The following ADCY2 variants were observed in gnomAD, a reference collection of about 807,000 sequenced individuals.
ADCY2 encodes the protein adenylate cyclase 2.
A neutral mutation model predicts 125.2 loss-of-function variants in ADCY2; 31 were observed. The observed-to-expected ratio is 0.25, with a 90% CI of 0.19 to 0.33. The LOEUF (loss-of-function observed/expected upper bound fraction) is 0.33, where lower values mean the gene tolerates loss of function less well. Among genes scored for constraint, ADCY2 ranks in the 10% least tolerant of loss-of-function variants. ADCY2 has a pLI of 1.00. For synonymous variants in ADCY2, 512 were observed against 548.4 expected (o/e 0.93, Z 0.93); for missense variants, 904 against 1,418.2 (o/e 0.64, Z 5.82).
At chr5:7,529,600 C>T (rs1375264619) in intron 3 of ADCY2, among the ~76,000 whole-genome samples, 2 of 152,192 alleles carry the variant, frequency 1.3e-5, no homozygotes, top group African/African-American at 4.8e-5. Flanking sequence ...TGGCCTCAGG[C>T]AGAATCTGGG....
intron 15 of ADCY2, among the ~76,000 whole-genome samples, chr5:7,744,631 C>T (rs923886454): frequency 6.6e-6 from 1 of 152,194 alleles, no homozygotes; most frequent in Non-Finnish European, 1.5e-5. Context: ...GATAGAAGGC[C>T]CTGAAGATAA....
intron 19 of ADCY2, 26 bp downstream of exon 19, chr5:7,784,475 A>G (rs775650282): frequency 8.6e-5 from 133 of 1,539,966 alleles, no homozygotes; most frequent in Non-Finnish European, 2.2e-5. Flanking sequence ...ATATATATGT[A>G]TGTATACCTT....
intron 3 of ADCY2, among the ~76,000 whole-genome samples, chr5:7,555,446 C>T (rs1277761843): frequency 6.6e-6 from 1 of 152,146 alleles, no homozygotes. Context: ...TTAGCTTTTA[C>T]ACTGGTGAAA....
intron 4 of ADCY2, among the ~76,000 whole-genome samples, chr5:7,646,151 G>C (rs752556195): frequency 9.9e-5 from 15 of 151,940 alleles, no homozygotes; most frequent in African/African-American, 3.1e-4. Context: ...GCAAAGAAAC[G>C]AGTAAAACTT....
chr5:7,679,349 C>G (rs7706852), intron 4 of ADCY2, among the ~76,000 whole-genome samples: 1 of 152,132 alleles, frequency 6.6e-6, no homozygotes, highest in Non-Finnish European at 1.5e-5. Flanking sequence ...GGTGGGATGC[C>G]TGGGGTATAT....
At chr5:7,474,550 G>A (rs1282631812) in intron 2 of ADCY2, among the ~76,000 whole-genome samples, 1 of 152,162 alleles carries the variant, frequency 6.6e-6, no homozygotes, top group Admixed American at 6.5e-5. Flanking sequence ...TTTTGGAAGG[G>A]ATTTTGGAGA....
chr5:7,541,162 C>G (rs764827744), intron 3 of ADCY2, among the ~76,000 whole-genome samples: 1 of 152,068 alleles, frequency 6.6e-6, no homozygotes, highest in Non-Finnish European at 1.5e-5. Context: ...GAGTCACAAT[C>G]CAGTTTCATG....
At chr5:7,812,678 C>T (rs1181333569) in intron 22 of ADCY2, among the ~76,000 whole-genome samples, 2 of 152,120 alleles carry the variant, frequency 1.3e-5, no homozygotes, top group Non-Finnish European at 2.9e-5. Context: ...GAGGCCAAGG[C>T]GGGCGGATCA....
intron 2 of ADCY2, among the ~76,000 whole-genome samples, chr5:7,447,462 A>G (rs1056633015): frequency 2.0e-5 from 3 of 152,016 alleles, no homozygotes; most frequent in African/African-American, 7.2e-5. Flanking sequence ...GAGATCCTGG[A>G]CCTCAGGGCC....
chr5:7,715,108 C>T (rs1228838599), intron 11 of ADCY2, among the ~76,000 whole-genome samples: 2 of 152,138 alleles, frequency 1.3e-5, no homozygotes, highest in Non-Finnish European at 2.9e-5. Flanking sequence ...TCATCAGCCC[C>T]AGGGGACCTT....
rs1740673763 is a variant in ADCY2 at position 7,690,628 on chromosome 5, G to A, written c.721-63G>A. On this transcript the variant is annotated intron_variant, in intron 4 of 24. Coordinates refer to ENST00000338316, the MANE Select transcript of ADCY2 (RefSeq NM_020546.3). ...CTACAAATCAGTGAGGATCTCCAAT[G>A]TTATTTGGTCATCCCCCGAGGTGTC... 5.1e-6 allele frequency: 7 copies of A among 1,380,198 alleles called. No individual in the cohort carries two copies. In the South Asian group the frequency reaches 1.2e-4, roughly 23 times the overall value. 85.5% of individuals were successfully genotyped at this position (1,380,198 alleles called of 1,614,324 possible).
intron 20 of ADCY2, among the ~76,000 whole-genome samples, chr5:7,793,417 C>G (rs897633711): frequency 6.6e-6 from 1 of 152,180 alleles, no homozygotes; most frequent in African/African-American, 2.4e-5. Context: ...TGCCTTTGCA[C>G]TCCAGCATGG....
At chr5:7,772,251 G>T (rs1340930136) in intron 17 of ADCY2, among the ~76,000 whole-genome samples, 1 of 152,166 alleles carries the variant, frequency 6.6e-6, no homozygotes, top group Non-Finnish European at 1.5e-5. Flanking sequence ...AAATGGGGAG[G>T]AAATGGCTCA....
chr5:7,759,555 C>T lies in ADCY2; in HGVS notation c.2094+1969C>T, dbSNP rs367962642. ...CCTTCTGTAAGATGAGCGAGTGGCACGAAGTGGGTCTCCCCTTCTTCTTAG... is the reference window on the plus strand; with the variant it reads ...CCTTCTGTAAGATGAGCGAGTGGCATGAAGTGGGTCTCCCCTTCTTCTTAG... On this transcript the variant is annotated intron_variant, in intron 16 of 24. Coordinates refer to ENST00000338316, the MANE Select transcript of ADCY2 (RefSeq NM_020546.3). Among the ~76,000 whole-genome samples, 33 of 152,300 alleles carry T rather than the reference C, an allele frequency of 2.2e-4. No homozygotes were observed. In the East Asian group the frequency reaches 6.0e-3, roughly 28 times the overall value.
intron 10 of ADCY2, among the ~76,000 whole-genome samples, chr5:7,712,505 T>G (rs919863746): frequency 1.3e-4 from 20 of 152,200 alleles, no homozygotes; most frequent in Non-Finnish European, 2.9e-4. Flanking sequence ...CAAAGTCCAT[T>G]TTCACATGGT....
At chr5:7,776,909 G>C (rs776228715) in intron 18 of ADCY2, among the ~76,000 whole-genome samples, 25 of 152,146 alleles carry the variant, frequency 1.6e-4, no homozygotes, top group South Asian at 8.3e-4. Flanking sequence ...AGTACAGAAG[G>C]CTGCACTGTT....
chr5:7,436,101 ATAAT>A (rs1209352854), intron 2 of ADCY2, among the ~76,000 whole-genome samples: 1 of 152,238 alleles, frequency 6.6e-6, no homozygotes, highest in Non-Finnish European at 1.5e-5. Flanking sequence ...GAGTTCAATG[ATAAT>A]TAATTAACAC....
At chr5:7,490,672 C>T (rs1743129227) in intron 2 of ADCY2, among the ~76,000 whole-genome samples, 1 of 151,950 alleles carries the variant, frequency 6.6e-6, no homozygotes, top group Non-Finnish European at 1.5e-5. Context: ...TGCACACACA[C>T]ACATGCATGC....
At chr5:7,818,974 C>T (rs1360049674) in intron 23 of ADCY2, among the ~76,000 whole-genome samples, 1 of 152,184 alleles carries the variant, frequency 6.6e-6, no homozygotes, top group East Asian at 1.9e-4. Context: ...CGAGGTCCCA[C>T]ATTAGGCCGT....
Sources: gnomAD v4.1 joint callset for allele counts (sites outside exome capture counted in the v4.1 genomes callset) on GRCh38, gnomAD v4.1.1 for gene constraint, MANE v1.5 for transcripts, NCBI Gene and HGNC (gene_info 2026-07-23, HGNC 2026-07-21) for gene names.